The following ATRX variants were observed in gnomAD, a reference collection of about 807,000 sequenced individuals.
ATRX encodes chromatin remodeler ATRX.
In ATRX, 12 loss-of-function variants were observed where a neutral mutation model predicts 172.6. That is an observed-to-expected ratio of 0.07 (90% confidence interval 0.04 to 0.11). ATRX has a LOEUF of 0.11. ATRX is among the 10% of genes least tolerant of loss of function. The pLI is 1.00. For synonymous variants in ATRX, 674 were observed against 594.7 expected, an observed-to-expected ratio of 1.13 and a Z score of -1.94; for missense variants, 1,368 against 1,767.4, an observed-to-expected ratio of 0.77 and a Z score of 4.05.
intron 30 of ATRX, among the ~76,000 whole-genome samples, chrX:77,531,940 G>A (rs971029589): frequency 8.1e-5 from 9 of 111,714 alleles, no homozygotes; most frequent in Non-Finnish European, 1.7e-4. Context: ...AAATTCTCAG[G>A]ATATAAAATC....
At chrX:77,772,996 C>G (rs1293456472) in intron 1 of ATRX, among the ~76,000 whole-genome samples, 1 of 101,046 alleles carries the variant, frequency 9.9e-6, no homozygotes, top group East Asian at 3.1e-4. Context: ...TACAGTTGTG[C>G]ACCACCACAC....
At chrX:77,737,434 AAGG>A (rs2074635309) in intron 1 of ATRX, among the ~76,000 whole-genome samples, 2 of 49,787 alleles carry the variant, frequency 4.0e-5, no homozygotes, top group South Asian at 2.1e-3. Context: ...AAAAAAAAAA[AAGG>A]GGGGGGGGGG....
intron 19 of ATRX, among the ~76,000 whole-genome samples, chrX:77,622,014 C>T (rs950054536): frequency 7.1e-5 from 8 of 112,165 alleles, no homozygotes; most frequent in East Asian, 5.5e-4. Flanking sequence ...ACTTAATATT[C>T]GGTATCCATG....
At chrX:77,597,337 G>A (rs369190789) in intron 25 of ATRX, among the ~76,000 whole-genome samples, 2 of 109,750 alleles carry the variant, frequency 1.8e-5, no homozygotes, top group African/African-American at 6.6e-5. Flanking sequence ...AGAAATCACC[G>A]AGTCAGAAAG....
intron 34 of ATRX, among the ~76,000 whole-genome samples, chrX:77,513,887 CT>C (rs1488082152): frequency 9.0e-6 from 1 of 111,181 alleles, no homozygotes; most frequent in East Asian, 2.8e-4. Context: ...GCTTCTTAAG[CT>C]GATAAACAAG....
At chrX:77,588,988 T>C (rs1754990299) in intron 27 of ATRX, among the ~76,000 whole-genome samples, 1 of 112,282 alleles carries the variant, frequency 8.9e-6, no homozygotes, top group South Asian at 3.6e-4. Context: ...TTGACAAGAA[T>C]GTGGAGAAAC....
At chrX:77,628,782 A>AT (rs1189359352) in intron 19 of ATRX, among the ~76,000 whole-genome samples, 3 of 110,764 alleles carry the variant, frequency 2.7e-5, no homozygotes, top group East Asian at 5.7e-4. Flanking sequence ...TAATTCTTTT[A>AT]TTTTTTTGTA....
At chrX:77,616,795 C>T in intron 21 of ATRX, 65 bp from the exon 22 acceptor site, 1 of 788,153 alleles carries the variant, frequency 1.3e-6, no homozygotes, top group Non-Finnish European at 1.9e-6. Flanking sequence ...ACTACAAGTT[C>T]TCATTGCTTA....
At chrX:77,648,551 AAAG>A (rs1264613874) in intron 15 of ATRX, among the ~76,000 whole-genome samples, 9 of 111,185 alleles carry the variant, frequency 8.1e-5, no homozygotes, top group Non-Finnish European at 1.7e-4. Flanking sequence ...AACACAGTAA[AAAG>A]AAGAATGAAA....
intron 15 of ATRX, among the ~76,000 whole-genome samples, chrX:77,648,442 G>A (rs919852562): frequency 1.1e-4 from 12 of 110,772 alleles, no homozygotes; most frequent in Non-Finnish European, 1.5e-4. Context: ...TATGCACAGT[G>A]GCAAATTTTA....
In ATRX at chrX:77,720,979, C is replaced by T. The variant is rs184927607; in HGVS notation, c.21-3736G>A. Among the ~76,000 whole-genome samples the T allele has an allele frequency of 9.4e-4, 105 of 111,754 alleles. 1 individual carries two copies. Among genetic ancestry groups the T allele is most frequent in the African/African-American group, 2.6e-3 (81 of 30,848 alleles). On this transcript the variant is annotated intron_variant, in intron 1 of 34. Coordinates refer to ENST00000373344, the MANE Select transcript of ATRX (RefSeq NM_000489.6). The stretch of plus-strand genomic sequence containing the variant: ...AGCACATCAAAAAGCTTATCCACCA[C>T]GATCAAGTCGGCTTCATCCCTGTGA...
chrX:77,728,486 C>T (rs2074151264), intron 1 of ATRX, among the ~76,000 whole-genome samples: 1 of 111,533 alleles, frequency 9.0e-6, no homozygotes, highest in African/African-American at 3.3e-5. Context: ...AAATAGTACA[C>T]AAAATGCATG....
chrX:77,711,273 C>T (rs1328619764), intron 2 of ATRX, among the ~76,000 whole-genome samples: 2 of 111,874 alleles, frequency 1.8e-5, no homozygotes, highest in African/African-American at 6.5e-5. Flanking sequence ...TGTTTTCCCA[C>T]TAAAATTGGT....
intron 30 of ATRX, among the ~76,000 whole-genome samples, chrX:77,551,881 A>G (rs1326422076): frequency 4.5e-5 from 5 of 112,229 alleles, no homozygotes; most frequent in African/African-American, 1.6e-4. Context: ...GCTCATCATC[A>G]CTGGTCATCA....
intron 10 of ATRX, among the ~76,000 whole-genome samples, chrX:77,668,480 G>A (rs1479670365): frequency 1.8e-5 from 2 of 111,709 alleles, no homozygotes; most frequent in African/African-American, 6.5e-5. Context: ...CTTGGGGCAG[G>A]TGTAGCATCC....
chrX:77,755,835 C>G (rs2075471070), intron 1 of ATRX, among the ~76,000 whole-genome samples: 1 of 112,065 alleles, frequency 8.9e-6, no homozygotes, highest in Admixed American at 9.4e-5. Flanking sequence ...AGGAGGCAGT[C>G]TGTCCCCTAG....
intron 25 of ATRX, 65 bp from the exon 26 acceptor site, chrX:77,593,914 A>T: frequency 2.9e-6 from 3 of 1,043,543 alleles, no homozygotes; most frequent in Non-Finnish European, 4.0e-6. Context: ...AGCAAGAGAG[A>T]CAGAAAAAGA....
intron 25 of ATRX, 119 bp from the exon 26 acceptor site, chrX:77,593,968 G>A (rs2066376128): frequency 3.1e-6 from 2 of 646,260 alleles, no homozygotes; most frequent in South Asian, 2.8e-5. Flanking sequence ...GGGGACTTGG[G>A]AGAGGGGAGG....
intron 1 of ATRX, among the ~76,000 whole-genome samples, chrX:77,734,694 G>C (rs1291403875): frequency 9.0e-6 from 1 of 111,053 alleles, no homozygotes; most frequent in African/African-American, 3.3e-5. Flanking sequence ...GGCTGAGGCA[G>C]GAGAATCGCT....
Sources: gnomAD v4.1 joint callset for allele counts (sites outside exome capture counted in the v4.1 genomes callset) on GRCh38, gnomAD v4.1.1 for gene constraint, MANE v1.5 for transcripts, NCBI Gene and HGNC (gene_info 2026-07-23, HGNC 2026-07-21) for gene names.